TBC1D2B: variants seen among roughly 807,000 people sequenced by gnomAD.
TBC1D2B encodes TBC1 domain family member 2B.
Under a neutral mutation model 100.8 loss-of-function variants are expected in TBC1D2B, and 64 were observed. That is an observed-to-expected ratio of 0.64 (90% CI 0.52 to 0.78). The LOEUF (loss-of-function observed/expected upper bound fraction) is 0.78, where lower values mean the gene tolerates loss of function less well. TBC1D2B is among the 30% of genes least tolerant of loss of function. The pLI, the probability that TBC1D2B is intolerant of heterozygous loss-of-function variation, is 0.00. For missense variants in TBC1D2B, 1,052 were observed against 1,218.4 expected (o/e 0.86, Z 2.03); for synonymous variants, 480 against 479.7 (o/e 1.00, Z -0.01).
chr15:78,031,823 A>G (rs2072823411), intron 3 of TBC1D2B, among the ~76,000 whole-genome samples: 1 of 152,154 alleles, frequency 6.6e-6, no homozygotes, highest in African/African-American at 2.4e-5. Flanking sequence ...AATACAGGAA[A>G]CCATGGTTTT....
intron 1 of TBC1D2B, among the ~76,000 whole-genome samples, chr15:78,077,047 G>C (rs1012294666): frequency 6.6e-6 from 1 of 152,254 alleles, no homozygotes; most frequent in African/African-American, 2.4e-5. Flanking sequence ...GGCGCAGAGG[G>C]AGATAATGGG....
rs540410698 is a variant in TBC1D2B at position 78,019,759 on chromosome 15, G to T, written c.1471-1802C>A. ...AAAAAAAATTTAGCCAGACGTGATA[G>T]CGCACACCTATAGTCCCAGCTACCC... On this transcript the variant is annotated intron_variant, in intron 6 of 12. Transcript: ENST00000300584. 3.3e-5 allele frequency among the ~76,000 whole-genome samples: 5 copies of T among 152,000 alleles called. No homozygotes were observed. In the South Asian group the frequency reaches 1.0e-3, roughly 32 times the overall value.
chr15:78,013,845 C>T (rs1291751677), intron 8 of TBC1D2B, among the ~76,000 whole-genome samples: 7 of 152,078 alleles, frequency 4.6e-5, no homozygotes. Context: ...GTTAATGGAA[C>T]GTTAATGCAG....
intron 4 of TBC1D2B, 29 bp downstream of exon 4, chr15:78,029,978 A>G: frequency 6.3e-7 from 1 of 1,584,074 alleles, no homozygotes; most frequent in Non-Finnish European, 8.6e-7. Context: ...AGTACAGAGA[A>G]TGACAGACAA....
At chr15:78,028,558 A>C (rs1217610063) in intron 4 of TBC1D2B, among the ~76,000 whole-genome samples, 2 of 152,258 alleles carry the variant, frequency 1.3e-5, no homozygotes, top group Non-Finnish European at 2.9e-5. Flanking sequence ...TGAATGAATC[A>C]AGATGACAAC....
rs2073167124 is a variant in TBC1D2B at position 78,045,023 on chromosome 15, T to A, written c.560A>T (p.Asn187Ile). The A allele has an allele frequency of 6.2e-7, 1 of 1,612,568 alleles. No homozygotes were observed. Among genetic ancestry groups the A allele is most frequent in the African/African-American group, 1.3e-5 (1 of 74,882 alleles). The change falls in exon 3 of 13, where the codon AAT becomes ATT. Residue 187 changes from asparagine (N) to isoleucine (I), a missense_variant. Coordinates refer to ENST00000300584, the MANE Select transcript of TBC1D2B (RefSeq NM_144572.2). ...AGGCACAGTCTCCACAGCTAGGACATTTCTGGCTTTTTCTGCAGAAGCATT... is the reference window on the plus strand; with the variant it reads ...AGGCACAGTCTCCACAGCTAGGACAATTCTGGCTTTTTCTGCAGAAGCATT... ...HPNASAEKAR[N>I]VLAVETVPGE...
chr15:78,048,104 C>G (rs1442293), intron 2 of TBC1D2B, among the ~76,000 whole-genome samples: 32,404 of 152,044 alleles, frequency 0.21, 3,712 homozygotes, highest in East Asian at 0.36. Flanking sequence ...CCAGGCCTTG[C>G]AGCAACCCAC....
intron 3 of TBC1D2B, among the ~76,000 whole-genome samples, chr15:78,037,953 G>A (rs2072987243): frequency 6.6e-6 from 1 of 152,178 alleles, no homozygotes; most frequent in Admixed American, 6.5e-5. Context: ...TGCCCAGGAA[G>A]CCAAACAGAA....
intron 10 of TBC1D2B, among the ~76,000 whole-genome samples, chr15:78,008,648 C>T (rs886217772): frequency 6.6e-6 from 1 of 152,234 alleles, no homozygotes; most frequent in African/African-American, 2.4e-5. Flanking sequence ...TTCTTGAGAG[C>T]CTGAGCTAAC....
chr15:78,000,613 A>C (rs2071887156), intron 12 of TBC1D2B, among the ~76,000 whole-genome samples: 1 of 152,066 alleles, frequency 6.6e-6, no homozygotes, highest in South Asian at 2.1e-4. Context: ...CCAATAAAAG[A>C]CTCTAAAAAT....
chr15:78,011,436 A>G (rs1364581210), intron 9 of TBC1D2B, among the ~76,000 whole-genome samples: 1 of 151,230 alleles, frequency 6.6e-6, no homozygotes, highest in East Asian at 1.9e-4. Context: ...TAAGGTACAC[A>G]TGCAGAACTT....
intron 1 of TBC1D2B, among the ~76,000 whole-genome samples, chr15:78,075,061 G>A (rs1160904762): frequency 1.3e-5 from 2 of 152,176 alleles, no homozygotes; most frequent in African/African-American, 2.4e-5. Context: ...AGAGGAAACT[G>A]GAGCAGGGAA....
rs1433644403 is a variant in TBC1D2B, at chr15:78,044,618, A to G, written c.683+282T>C. Reference sequence around the variant, plus strand: ...TGACCTCAGACACATACTCTCCTTCAGCCAGTTTCAGTCTCTGTAAAATGT... The same window carrying G: ...TGACCTCAGACACATACTCTCCTTCGGCCAGTTTCAGTCTCTGTAAAATGT... On this transcript the variant is annotated intron_variant, in intron 3 of 12. Coordinates refer to ENST00000300584, the MANE Select transcript of TBC1D2B (RefSeq NM_144572.2). Among the ~76,000 whole-genome samples the G allele has an allele frequency of 2.0e-5, 3 of 152,352 alleles. No individual in the cohort carries two copies. The East Asian group carries it at 5.8e-4, about 29-fold the overall frequency.
At chr15:78,064,948 T>C (rs1455357482) in intron 1 of TBC1D2B, among the ~76,000 whole-genome samples, 2 of 152,218 alleles carry the variant, frequency 1.3e-5, no homozygotes, top group Non-Finnish European at 2.9e-5. Context: ...ATCTTAAAAT[T>C]AGCATTCATA....
chr15:78,044,465 A>C (rs963396868), intron 3 of TBC1D2B, among the ~76,000 whole-genome samples: 1 of 151,934 alleles, frequency 6.6e-6, no homozygotes, highest in Non-Finnish European at 1.5e-5. Context: ...ACCCACCTCT[A>C]CTCTCACTAG....
chr15:78,052,481 A>G (rs2073333381), intron 2 of TBC1D2B, among the ~76,000 whole-genome samples: 2 of 152,302 alleles, frequency 1.3e-5, no homozygotes, highest in South Asian at 4.1e-4. Context: ...GCTAAATTCC[A>G]TACCTGGAGT....
rs945568990 is a variant in TBC1D2B at position 78,044,811 on chromosome 15, T to C, written c.683+89A>G. On this transcript the variant is annotated intron_variant, in intron 3 of 12. Transcript: ENST00000300584. The stretch of plus-strand genomic sequence containing the variant: ...AACAAAGGCCTTTGTAAGTGTAAGA[T>C]AGTTTTATAACTTCATTTATAAAAT... 3.6e-4 allele frequency: 445 copies of C among 1,233,730 alleles called. 2 individuals are homozygous for C. The highest frequency in any genetic ancestry group is 2.2e-4 in the Non-Finnish European group (199 of 897,568). 76.4% of individuals were successfully genotyped at this position (1,233,730 alleles called of 1,614,324 possible). A position where few individuals can be genotyped will look rare whatever the true frequency, so the allele number is the denominator to read the frequency against.
At chr15:78,032,122 T>C (rs186497477) in intron 3 of TBC1D2B, among the ~76,000 whole-genome samples, 4 of 152,312 alleles carry the variant, frequency 2.6e-5, no homozygotes, top group South Asian at 2.1e-4. Context: ...GTGGCTTCGA[T>C]GTAAGAAAGC....
At position 77,996,789 on chromosome 15, in the gene TBC1D2B, G is replaced by GT. The variant is rs571429073; in HGVS notation, c.*1370dup. On this transcript the variant is annotated 3_prime_UTR_variant, in exon 13 of 13. Transcript: ENST00000300584. ...TGTTCACAACAAAGGATGATTTCCA[G>GT]TTTTTTTCGGGTAATATGAAACATT... is the stretch of plus-strand genomic sequence containing the variant. 1.3e-5 allele frequency: 2 copies of GT among 152,198 alleles called. No homozygotes were observed. The highest frequency in any genetic ancestry group is 2.9e-5 in the Non-Finnish European group (2 of 68,038). The allele number at this position is 152,198 out of a possible 1,614,324, so 9.4% of individuals were successfully genotyped here. A position where few individuals can be genotyped will look rare whatever the true frequency, so the allele number is the denominator to read the frequency against.
Sources: gnomAD v4.1 joint callset for allele counts (sites outside exome capture counted in the v4.1 genomes callset) on GRCh38, gnomAD v4.1.1 for gene constraint, MANE v1.5 for transcripts, NCBI Gene and HGNC (gene_info 2026-07-23, HGNC 2026-07-21) for gene names.